CLNK: variants seen among roughly 807,000 people sequenced by gnomAD.
CLNK encodes the protein cytokine-dependent hematopoietic cell linker.
Under a neutral mutation model 68.6 loss-of-function variants are expected in CLNK, and 74 were observed. That is an observed-to-expected ratio of 1.08 (90% CI 0.89 to 1.31). The LOEUF is 1.31. Ranked by LOEUF, CLNK falls within the 50% of genes most tolerant of loss-of-function variation. CLNK has a pLI of 0.00. For synonymous variants in CLNK, 198 were observed against 172.2 expected, an observed-to-expected ratio of 1.15 and a Z score of -1.17; for missense variants, 553 against 515.3, an observed-to-expected ratio of 1.07 and a Z score of -0.71.
At chr4:10,661,922 A>G (rs1724205219) in intron 2 of CLNK, among the ~76,000 whole-genome samples, 1 of 152,216 alleles carries the variant, frequency 6.6e-6, no homozygotes, top group Admixed American at 6.5e-5. Flanking sequence ...TGTGGAAGGT[A>G]GAATTCTATA....
chr4:10,672,360 A>G (rs1213156699), intron 1 of CLNK, among the ~76,000 whole-genome samples: 1 of 152,196 alleles, frequency 6.6e-6, no homozygotes, highest in Non-Finnish European at 1.5e-5. Flanking sequence ...CTTTGGGACA[A>G]CTGTTTAACC....
At chr4:10,686,975 AGGTGC>A (rs1725295405), upstream of CLNK, among the ~76,000 whole-genome samples, 3 of 152,122 alleles carry the variant, frequency 2.0e-5, no homozygotes, top group Non-Finnish European at 4.4e-5. Context: ...CAGCTCTATT[AGGTGC>A]TGAAAAATAC....
the CLNK span, among the ~76,000 whole-genome samples, chr4:10,703,721 A>G: frequency 6.6e-6 from 1 of 152,232 alleles, no homozygotes; most frequent in Non-Finnish European, 1.5e-5. Context: ...TATATAGAGT[A>G]TAGCCTATTG....
intron 2 of CLNK, among the ~76,000 whole-genome samples, chr4:10,637,045 G>A (rs923673119): frequency 6.6e-6 from 1 of 152,156 alleles, no homozygotes; most frequent in Non-Finnish European, 1.5e-5. Flanking sequence ...CCTCCCGAGT[G>A]CCCATTGCAG....
intron 2 of CLNK, among the ~76,000 whole-genome samples, chr4:10,634,903 A>T (rs1723022431): frequency 6.6e-6 from 1 of 152,192 alleles, no homozygotes; most frequent in Non-Finnish European, 1.5e-5. Context: ...AGGACCAGAG[A>T]GAGAAAAGGC....
At chr4:10,557,312 G>C (rs1335969441) in intron 8 of CLNK, among the ~76,000 whole-genome samples, 1 of 152,032 alleles carries the variant, frequency 6.6e-6, no homozygotes, top group Non-Finnish European at 1.5e-5. Context: ...CTGACCAGTA[G>C]GGACACACAG....
the CLNK span, among the ~76,000 whole-genome samples, chr4:10,723,943 A>G: frequency 7.0e-6 from 1 of 142,878 alleles, no homozygotes; most frequent in Non-Finnish European, 1.5e-5. Context: ...TGGCTTTGGT[A>G]ACTTTTATGT....
chr4:10,521,711 T>G (rs1325917783), intron 14 of CLNK, among the ~76,000 whole-genome samples: 1 of 152,226 alleles, frequency 6.6e-6, no homozygotes, highest in Admixed American at 6.5e-5. Context: ...CACCATACTA[T>G]GCTGTCACCG....
At chr4:10,603,449 T>C (rs1721667404) in intron 2 of CLNK, among the ~76,000 whole-genome samples, 1 of 152,246 alleles carries the variant, frequency 6.6e-6, no homozygotes. Flanking sequence ...TCTATCCTCA[T>C]CCTGCTGAGT....
At chr4:10,654,104 C>T (rs1353820411) in intron 2 of CLNK, among the ~76,000 whole-genome samples, 3 of 151,464 alleles carry the variant, frequency 2.0e-5, no homozygotes, top group Non-Finnish European at 4.4e-5. Context: ...TTTGATGAGG[C>T]CAGCACAAAT....
the CLNK span, among the ~76,000 whole-genome samples, chr4:10,693,614 G>A: frequency 1.3e-5 from 2 of 152,160 alleles, no homozygotes; most frequent in Non-Finnish European, 2.9e-5. Flanking sequence ...AACCCTGAGA[G>A]GACTCACTTC....
the CLNK span, among the ~76,000 whole-genome samples, chr4:10,692,318 C>T: frequency 5.3e-5 from 8 of 152,276 alleles, no homozygotes; most frequent in Middle Eastern, 3.4e-3. Flanking sequence ...AGATCTTTAA[C>T]CCTCAGATCA....
At chr4:10,624,598 T>G (rs1252669857) in intron 2 of CLNK, among the ~76,000 whole-genome samples, 2 of 126,556 alleles carry the variant, frequency 1.6e-5, no homozygotes, top group African/African-American at 6.4e-5. Flanking sequence ...GGCCAGTTTT[T>G]TTTTTTTTTT....
intron 1 of CLNK, among the ~76,000 whole-genome samples, chr4:10,683,479 A>C (rs555267203): frequency 6.6e-6 from 1 of 152,200 alleles, no homozygotes; most frequent in Non-Finnish European, 1.5e-5. Flanking sequence ...AACACTGTTC[A>C]CCATTCCAAT....
intron 4 of CLNK, among the ~76,000 whole-genome samples, chr4:10,574,339 G>A (rs1426020238): frequency 1.3e-5 from 2 of 152,160 alleles, no homozygotes; most frequent in East Asian, 3.9e-4. Flanking sequence ...GCCCTACCTT[G>A]TGGGATTCCA....
chr4:10,590,595 A>T (rs927502741), intron 3 of CLNK, among the ~76,000 whole-genome samples: 1 of 152,134 alleles, frequency 6.6e-6, no homozygotes, highest in Admixed American at 6.5e-5. Context: ...CTCTCTCTCA[A>T]ACCTCTGAAA....
At chr4:10,594,415 G>A (rs567050048) in intron 3 of CLNK, among the ~76,000 whole-genome samples, 17 of 152,302 alleles carry the variant, frequency 1.1e-4, no homozygotes, top group South Asian at 6.2e-4. Flanking sequence ...GCTTCCATCC[G>A]AGGTTCTCTA....
At chr4:10,718,001 G>C in the CLNK span, among the ~76,000 whole-genome samples, 2,141 of 152,174 alleles carry the variant, frequency 0.014, 15 homozygotes, top group East Asian at 0.056. Context: ...AAACAGCAAA[G>C]TCTTATAGAA....
chr4:10,542,405 G>T (rs889504948), intron 8 of CLNK, 125 bp from the exon 9 acceptor site: 288 of 686,796 alleles, frequency 4.2e-4, no homozygotes, highest in Admixed American at 2.9e-4. Context: ...GTTAATATTT[G>T]CTGAGATCAT....
Sources: allele counts gnomAD v4.1 joint callset (sites outside exome capture counted in the v4.1 genomes callset), GRCh38; gene constraint gnomAD v4.1.1; transcripts MANE v1.5; gene names NCBI Gene and HGNC (gene_info 2026-07-23, HGNC 2026-07-21).